The following PODXL variants were observed in gnomAD, a reference collection of about 807,000 sequenced individuals.
PODXL encodes podocalyxin.
PODXL carries 20 observed loss-of-function variants against 48.9 expected under a neutral mutation model. The ratio of observed to expected loss-of-function variants is 0.41; its 90% CI spans 0.29 to 0.59. The LOEUF (loss-of-function observed/expected upper bound fraction) is 0.59. Among genes scored for constraint, PODXL ranks in the 20% least tolerant of loss-of-function variants. The pLI is 0.31. For synonymous variants in PODXL, 295 were observed against 287.4 expected (o/e 1.03, Z -0.27); for missense variants, 606 against 675.1 (o/e 0.90, Z 1.13).
chr7:131,538,504 C>T (rs544635216), intron 1 of PODXL, among the ~76,000 whole-genome samples: 1 of 152,292 alleles, frequency 6.6e-6, no homozygotes, highest in East Asian at 1.9e-4. Context: ...GGGCGGAACC[C>T]CACCCCTACC....
At chr7:131,523,711 GAAA>G in intron 1 of PODXL, among the ~76,000 whole-genome samples, 1 of 132,390 alleles carries the variant, frequency 7.6e-6, no homozygotes, top group African/African-American at 2.9e-5. Context: ...AACAAGAAAA[GAAA>G]AAGAAAAAGA....
intron 5 of PODXL, among the ~76,000 whole-genome samples, chr7:131,508,087 C>T (rs1419679571): frequency 6.6e-6 from 1 of 152,204 alleles, no homozygotes; most frequent in East Asian, 1.9e-4. Flanking sequence ...CCGCCGCGCT[C>T]GGCAGTTATT....
Position 131,502,803 on chromosome 7 carries a change from C to A in PODXL, c.*1508G>T, listed in dbSNP as rs1303208753. On this transcript the variant is annotated 3_prime_UTR_variant, in exon 9 of 9. Transcript: ENST00000378555. The stretch of plus-strand genomic sequence containing the variant: ...AGCCTTCTACATGGCAGCTAACTGC[C>A]GAGCCCATAAAAGTCCTATATTGGG... 1 of 152,612 alleles carries A rather than the reference C, an allele frequency of 6.6e-6. No homozygotes were observed. Among genetic ancestry groups the A allele is most frequent in the Non-Finnish European group, 1.5e-5 (1 of 68,070 alleles). The allele number at this position is 152,612 out of a possible 1,614,324, so 9.5% of individuals were successfully genotyped here. A position where few individuals can be genotyped will look rare whatever the true frequency, so the allele number is the denominator to read the frequency against.
intron 1 of PODXL, among the ~76,000 whole-genome samples, chr7:131,519,632 C>A (rs1798062505): frequency 6.6e-6 from 1 of 151,286 alleles, no homozygotes; most frequent in Non-Finnish European, 1.5e-5. Flanking sequence ...CATAAGTAAA[C>A]AATGTGAGGT....
At chr7:131,516,851 T>G (rs28777676) in intron 1 of PODXL, among the ~76,000 whole-genome samples, 3,371 of 150,806 alleles carry the variant, frequency 0.022, 104 homozygotes, top group African/African-American at 0.074. Context: ...TGCCTCAGCT[T>G]CCCAAGTAGC....
At chr7:131,518,440 A>C (rs1798037122) in intron 1 of PODXL, among the ~76,000 whole-genome samples, 1 of 152,222 alleles carries the variant, frequency 6.6e-6, no homozygotes, top group Non-Finnish European at 1.5e-5. Flanking sequence ...CACTTCTACC[A>C]TCATCGAGCA....
At chr7:131,514,431 C>T (rs1049693508) in intron 1 of PODXL, among the ~76,000 whole-genome samples, 1 of 151,492 alleles carries the variant, frequency 6.6e-6, no homozygotes, top group African/African-American at 2.4e-5. Flanking sequence ...AGTGGGGTGG[C>T]GGGGGGAACA....
intron 4 of PODXL, 117 bp from the exon 5 acceptor site, chr7:131,509,145 C>A: frequency 1.0e-6 from 1 of 991,192 alleles, no homozygotes; most frequent in Non-Finnish European, 1.6e-6. Flanking sequence ...GGAGGCATGG[C>A]TGGACCCATT....
At chr7:131,514,512 T>C (rs545862641) in intron 1 of PODXL, among the ~76,000 whole-genome samples, 1 of 152,192 alleles carries the variant, frequency 6.6e-6, no homozygotes, top group African/African-American at 2.4e-5. Context: ...TTCTTACTAT[T>C]GATGGCATCA....
intron 1 of PODXL, among the ~76,000 whole-genome samples, chr7:131,554,264 G>GC (rs913266482): frequency 6.6e-6 from 1 of 152,150 alleles, no homozygotes; most frequent in East Asian, 1.9e-4. Flanking sequence ...GCCGCAACAT[G>GC]CCCCCCACAA....
At chr7:131,548,413 C>G (rs567845988) in intron 1 of PODXL, among the ~76,000 whole-genome samples, 1 of 152,368 alleles carries the variant, frequency 6.6e-6, no homozygotes, top group South Asian at 2.1e-4. Context: ...TCTTTCCTGC[C>G]TGCCTTTCAG....
At chr7:131,517,616 T>C (rs1798022138) in intron 1 of PODXL, among the ~76,000 whole-genome samples, 3 of 152,318 alleles carry the variant, frequency 2.0e-5, no homozygotes, top group Admixed American at 1.3e-4. Context: ...GGCAGGGCCA[T>C]GCTCCCTCCG....
intron 1 of PODXL, among the ~76,000 whole-genome samples, chr7:131,547,571 C>A (rs1387203036): frequency 6.6e-6 from 1 of 152,122 alleles, no homozygotes; most frequent in East Asian, 1.9e-4. Flanking sequence ...AAAATCCAAG[C>A]CTCTTAACTG....
In PODXL at chr7:131,537,477, C is replaced by T. The variant is rs977406490; in HGVS notation, c.100+18783G>A. On this transcript the variant is annotated intron_variant, in intron 1 of 8. Transcript: ENST00000378555. ...TAGCACGTGCCTGTAGTCTCAGCTA[C>T]GCAGGAGGCTGGGGCAGGAGAACTG... Among the ~76,000 whole-genome samples, 15 of 152,212 alleles carry T rather than the reference C, an allele frequency of 9.9e-5. No homozygotes were observed. The East Asian group carries it at 1.5e-3, about 16-fold the overall frequency.
intron 1 of PODXL, among the ~76,000 whole-genome samples, chr7:131,516,400 G>A (rs767939576): frequency 2.6e-5 from 4 of 152,134 alleles, no homozygotes; most frequent in Admixed American, 6.5e-5. Context: ...TTAGCCGGGC[G>A]TGTTGGCGCA....
intron 1 of PODXL, among the ~76,000 whole-genome samples, chr7:131,556,054 T>C (rs1207403115): frequency 6.6e-6 from 1 of 152,212 alleles, no homozygotes; most frequent in Non-Finnish European, 1.5e-5. Flanking sequence ...TGGAGACGAA[T>C]CTACGCCCAG....
chr7:131,547,133 G>A (rs1354197068), intron 1 of PODXL, among the ~76,000 whole-genome samples: 1 of 152,076 alleles, frequency 6.6e-6, no homozygotes, highest in Non-Finnish European at 1.5e-5. Context: ...CTATCACTTT[G>A]GGAGGCTGAT....
chr7:131,512,220 G>C (rs1302974545), intron 1 of PODXL, among the ~76,000 whole-genome samples: 2 of 152,152 alleles, frequency 1.3e-5, no homozygotes, highest in Non-Finnish European at 1.5e-5. Context: ...GAGGAAATAG[G>C]ATCTGTGTCA....
intron 5 of PODXL, chr7:131,506,975 C>G (rs1196021269): frequency 1.8e-6 from 1 of 541,418 alleles, no homozygotes. Context: ...TTTATCTGGT[C>G]TACGCTTGCA....
Sources: allele counts gnomAD v4.1 joint callset (sites outside exome capture counted in the v4.1 genomes callset), GRCh38; gene constraint gnomAD v4.1.1; transcripts MANE v1.5; gene names NCBI Gene and HGNC (gene_info 2026-07-23, HGNC 2026-07-21).